The following MAST4 variants were observed in gnomAD, a reference collection of about 807,000 sequenced individuals.
The protein encoded by MAST4 is microtubule-associated serine/threonine-protein kinase 4.
Under a neutral mutation model 162.7 loss-of-function variants are expected in MAST4, and 89 were observed. That is an observed-to-expected ratio of 0.55 (90% confidence interval 0.46 to 0.65). MAST4 has a LOEUF of 0.65. MAST4 is among the 30% of genes least tolerant of loss of function. MAST4 has a pLI of 0.00. For synonymous variants in MAST4, 1,479 were observed against 1,361.1 expected (o/e 1.09, Z -1.91); for missense variants, 3,153 against 3,374.0 (o/e 0.93, Z 1.62).
chr5:66,919,828 A>G (rs2150041044), intron 4 of MAST4, among the ~76,000 whole-genome samples: 1 of 152,204 alleles, frequency 6.6e-6, no homozygotes, highest in African/African-American at 2.4e-5. Context: ...TCATGATTGA[A>G]ATAGGCAGAA....
intron 1 of MAST4, among the ~76,000 whole-genome samples, chr5:66,757,225 T>C (rs1342205095): frequency 6.6e-6 from 1 of 152,210 alleles, no homozygotes; most frequent in Non-Finnish European, 1.5e-5. Flanking sequence ...AAGTAGCAGA[T>C]GCTGATGAAC....
intron 4 of MAST4, among the ~76,000 whole-genome samples, chr5:66,964,708 C>T (rs1230153415): frequency 1.3e-5 from 2 of 152,234 alleles, no homozygotes; most frequent in East Asian, 1.9e-4. Flanking sequence ...GAGGCTGAGG[C>T]GGGAGAATGG....
chr5:66,871,538 T>C (rs1760930160), intron 3 of MAST4, among the ~76,000 whole-genome samples: 1 of 152,170 alleles, frequency 6.6e-6, no homozygotes, highest in Admixed American at 6.5e-5. Flanking sequence ...TGTGTGAGGA[T>C]TTGCTCATCC....
At chr5:67,118,661 C>CT (rs538432602) in intron 12 of MAST4, 21 bp from the exon 13 acceptor site, 49,974 of 1,029,200 alleles carry the variant, frequency 0.049, 3 homozygotes, top group South Asian at 0.064. Flanking sequence ...TTAAGCTTAA[C>CT]TTTTTTTTTT....
intron 4 of MAST4, among the ~76,000 whole-genome samples, chr5:66,909,441 A>G (rs1371528494): frequency 6.6e-6 from 1 of 152,168 alleles, no homozygotes; most frequent in African/African-American, 2.4e-5. Flanking sequence ...GCGGTGTATT[A>G]TAGTGGTCTA....
At chr5:67,057,519 G>A (rs1480956434) in intron 5 of MAST4, among the ~76,000 whole-genome samples, 1 of 150,780 alleles carries the variant, frequency 6.6e-6, no homozygotes, top group African/African-American at 2.4e-5. Flanking sequence ...GTGGTCTGGA[G>A]CATGTCTTCA....
At position 66,723,997 on chromosome 5, in the gene MAST4, G is replaced by C. The variant is rs559244933; in HGVS notation, c.364-35712G>C. Among the ~76,000 whole-genome samples, 317 of 152,166 alleles carry C rather than the reference G, an allele frequency of 2.1e-3. 1 individual carries two copies. Among genetic ancestry groups the C allele is most frequent in the African/African-American group, 7.1e-3 (296 of 41,510 alleles). ...CAAATACATGGCCAGGATATTTCTG[G>C]GGATGGTGAGTTGAAGGGAAACAAG... On this transcript the variant is annotated intron_variant, in intron 1 of 28. Transcript: ENST00000403625.
chr5:66,746,249 A>G (rs1399778307), intron 1 of MAST4, among the ~76,000 whole-genome samples: 1 of 152,224 alleles, frequency 6.6e-6, no homozygotes, highest in Non-Finnish European at 1.5e-5. Context: ...GGATTGGTTG[A>G]CACCAGGTTC....
At chr5:66,819,322 C>T (rs1756879954) in intron 3 of MAST4, among the ~76,000 whole-genome samples, 1 of 152,096 alleles carries the variant, frequency 6.6e-6, no homozygotes, top group Non-Finnish European at 1.5e-5. Context: ...TTTGGCTGCT[C>T]AATATTGGTG....
chr5:67,036,474 A>G (rs893408973), intron 4 of MAST4, among the ~76,000 whole-genome samples: 7 of 152,082 alleles, frequency 4.6e-5, no homozygotes, highest in African/African-American at 1.7e-4. Context: ...TGCATTCTCT[A>G]TGCAGTAGTC....
At chr5:66,689,923 C>CT (rs1476631850) in intron 1 of MAST4, among the ~76,000 whole-genome samples, 3 of 152,130 alleles carry the variant, frequency 2.0e-5, no homozygotes, top group Non-Finnish European at 4.4e-5. Context: ...GTCTTTTAGG[C>CT]TTTTTTCACA....
At chr5:66,927,631 G>A (rs1752935847) in intron 4 of MAST4, among the ~76,000 whole-genome samples, 1 of 152,178 alleles carries the variant, frequency 6.6e-6, no homozygotes, top group Admixed American at 6.5e-5. Context: ...ACAGAGAGTA[G>A]GCAGAGAGTC....
chr5:67,137,625 T>G (rs1057501159), intron 19 of MAST4, among the ~76,000 whole-genome samples: 2 of 152,208 alleles, frequency 1.3e-5, no homozygotes, highest in Non-Finnish European at 2.9e-5. Flanking sequence ...CACCCACCGA[T>G]TCTCCTGTTG....
intron 5 of MAST4, among the ~76,000 whole-genome samples, chr5:67,075,989 A>G (rs543301216): frequency 6.6e-6 from 1 of 152,106 alleles, no homozygotes; most frequent in Non-Finnish European, 1.5e-5. Context: ...CCCATGATTA[A>G]TTGGTGATGT....
At chr5:66,994,327 T>C (rs1436436969) in intron 4 of MAST4, among the ~76,000 whole-genome samples, 1 of 152,220 alleles carries the variant, frequency 6.6e-6, no homozygotes, top group Non-Finnish European at 1.5e-5. Flanking sequence ...TTAAATGGGA[T>C]TTGCTTTTCT....
intron 3 of MAST4, among the ~76,000 whole-genome samples, chr5:66,821,386 G>A (rs754275508): frequency 2.0e-5 from 3 of 152,086 alleles, no homozygotes; most frequent in Non-Finnish European, 4.4e-5. Context: ...TAAAATATAG[G>A]GAAAGAAAAT....
rs940323209 is a variant in MAST4, at chr5:67,168,789, A to G, written c.*1738A>G. The G allele has an allele frequency of 6.6e-6, 1 of 152,196 alleles. No individual in the cohort carries two copies. Among genetic ancestry groups the G allele is most frequent in the East Asian group, 1.9e-4 (1 of 5,196 alleles). The allele number at this position is 152,196 out of a possible 1,614,324, so 9.4% of individuals were successfully genotyped here. The stretch of plus-strand genomic sequence containing the variant: ...ATCATCTTATGGCCTTATGGATTGT[A>G]AATCTTCTAGTGAGGCTATAAACTC... On this transcript the variant is annotated 3_prime_UTR_variant, in exon 29 of 29. Coordinates refer to ENST00000403625, the MANE Select transcript of MAST4 (RefSeq NM_001164664.2).
chr5:66,989,551 A>G (rs966376926), intron 4 of MAST4, among the ~76,000 whole-genome samples: 1 of 152,228 alleles, frequency 6.6e-6, no homozygotes, highest in South Asian at 2.1e-4. Flanking sequence ...CAAAACCCCT[A>G]TCCACAAACA....
chr5:67,093,597 C>T (rs1764101937), intron 6 of MAST4: 4 of 459,698 alleles, frequency 8.7e-6, no homozygotes, highest in Non-Finnish European at 1.3e-5. Context: ...AGCACATTCT[C>T]GTTTAAACAT....
Sources: gnomAD v4.1 joint callset for allele counts (sites outside exome capture counted in the v4.1 genomes callset) on GRCh38, gnomAD v4.1.1 for gene constraint, MANE v1.5 for transcripts, NCBI Gene and HGNC (gene_info 2026-07-23, HGNC 2026-07-21) for gene names.